The following CACNA1D variants were observed in gnomAD, a reference collection of about 807,000 sequenced individuals.
CACNA1D encodes the protein calcium voltage-gated channel subunit alpha1 D, also known as voltage-dependent L-type calcium channel subunit alpha-1D.
Under a neutral mutation model 257.1 loss-of-function variants are expected in CACNA1D, and 55 were observed. The ratio of observed to expected loss-of-function variants is 0.21; its 90% CI spans 0.17 to 0.27. The LOEUF (loss-of-function observed/expected upper bound fraction) is 0.27, where lower values mean the gene tolerates loss of function less well. Among genes scored for constraint, CACNA1D ranks in the 10% least tolerant of loss-of-function variants. CACNA1D has a pLI of 1.00. For missense variants in CACNA1D, 1,876 were observed against 2,784.0 expected (o/e 0.67, Z 7.34); for synonymous variants, 980 against 1,014.9 (o/e 0.97, Z 0.65).
At chr3:53,529,001 A>G (rs779154555) in intron 3 of CACNA1D, among the ~76,000 whole-genome samples, 21 of 152,178 alleles carry the variant, frequency 1.4e-4, no homozygotes, top group Non-Finnish European at 2.8e-4. Context: ...ATATGTATGT[A>G]TGTATTTTTC....
intron 3 of CACNA1D, among the ~76,000 whole-genome samples, chr3:53,531,025 T>A (rs2091933033): frequency 6.7e-6 from 1 of 150,348 alleles, no homozygotes; most frequent in Non-Finnish European, 1.5e-5. Context: ...TTAATTTTTT[T>A]TTTTTTTTTT....
At position 53,619,577 on chromosome 3, in the gene CACNA1D, G is replaced by A. The variant is rs531020261; in HGVS notation, c.484-31202G>A. ...ATTACCATCCTTACTTTAGAGGACT[G>A]GGACTCAAGCCCTCATCTTGTGGCT... On this transcript the variant is annotated intron_variant, in intron 3 of 47. Coordinates refer to ENST00000350061, the MANE Select transcript of CACNA1D (RefSeq NM_001128840.3). 2.6e-5 allele frequency among the ~76,000 whole-genome samples: 4 copies of A among 152,278 alleles called. No individual in the cohort carries two copies. The South Asian group carries it at 8.3e-4, about 32-fold the overall frequency.
intron 45 of CACNA1D, among the ~76,000 whole-genome samples, chr3:53,806,498 C>T (rs1467844388): frequency 6.6e-6 from 1 of 152,182 alleles, no homozygotes; most frequent in South Asian, 2.1e-4. Flanking sequence ...GCAGCCCTGG[C>T]CCCTTCCAGC....
intron 2 of CACNA1D, among the ~76,000 whole-genome samples, chr3:53,499,259 C>T (rs957663863): frequency 6.6e-6 from 1 of 152,060 alleles, no homozygotes; most frequent in Non-Finnish European, 1.5e-5. Flanking sequence ...CAGGGAGAAG[C>T]CTGTTTACAA....
chr3:53,633,210 G>A (rs2093842142), intron 3 of CACNA1D, among the ~76,000 whole-genome samples: 1 of 152,220 alleles, frequency 6.6e-6, no homozygotes, highest in African/African-American at 2.4e-5. Flanking sequence ...ACCAAGGCAA[G>A]GGCTGGGTGT....
At chr3:53,681,465 A>G (rs1233028751) in intron 8 of CACNA1D, among the ~76,000 whole-genome samples, 1 of 152,190 alleles carries the variant, frequency 6.6e-6, no homozygotes, top group Non-Finnish European at 1.5e-5. Context: ...AGAATGACTT[A>G]TTCATTTAAT....
intron 3 of CACNA1D, among the ~76,000 whole-genome samples, chr3:53,586,913 G>A (rs1225031767): frequency 6.6e-6 from 1 of 152,146 alleles, no homozygotes; most frequent in African/African-American, 2.4e-5. Flanking sequence ...GGTAATGTGG[G>A]AGAAACCTAA....
intron 4 of CACNA1D, among the ~76,000 whole-genome samples, chr3:53,653,632 G>C (rs1025696639): frequency 5.3e-5 from 8 of 152,176 alleles, no homozygotes; most frequent in South Asian, 2.1e-4. Context: ...CAGGGAATTT[G>C]AACATATGGC....
intron 15 of CACNA1D, among the ~76,000 whole-genome samples, chr3:53,727,232 C>T (rs940709898): frequency 2.6e-5 from 4 of 152,168 alleles, no homozygotes; most frequent in African/African-American, 9.7e-5. Context: ...GAAGCAAGCC[C>T]AGGGAAGGAG....
intron 30 of CACNA1D, chr3:53,762,679 A>C (rs17252742): frequency 0.026 from 12,071 of 455,934 alleles, 232 homozygotes; most frequent in Non-Finnish European, 0.037. Context: ...GTTTTCATTA[A>C]GTCTGACATA....
chr3:53,499,935 G>T (rs1246102628), intron 2 of CACNA1D, among the ~76,000 whole-genome samples: 1 of 151,994 alleles, frequency 6.6e-6, no homozygotes, highest in Non-Finnish European at 1.5e-5. Context: ...GGGTGAAAAA[G>T]ATTTTATAAT....
intron 3 of CACNA1D, among the ~76,000 whole-genome samples, chr3:53,535,824 T>A (rs1008523228): frequency 6.6e-6 from 1 of 152,178 alleles, no homozygotes; most frequent in Non-Finnish European, 1.5e-5. Context: ...TTGGTCAAAT[T>A]TTTTAGGCTA....
chr3:53,592,465 C>T (rs888803723), intron 3 of CACNA1D, among the ~76,000 whole-genome samples: 7 of 152,066 alleles, frequency 4.6e-5, no homozygotes, highest in Admixed American at 1.3e-4. Flanking sequence ...GATGTTACTC[C>T]GAATTAGATG....
chr3:53,727,652 C>T (rs1041941665), intron 15 of CACNA1D, among the ~76,000 whole-genome samples: 5 of 152,134 alleles, frequency 3.3e-5, no homozygotes, highest in South Asian at 2.1e-4. Context: ...CTTTGGTTCT[C>T]GGTGTTTTAT....
Position 53,774,718 on chromosome 3 carries a change from G to C in CACNA1D, c.4202+40G>C. Reference sequence around the variant, plus strand: ...CTTGGGCGGTGCTCCTGGGCAGGGGGGTCCGCTAGGCGTGGGTCCAGAGGG... The same window carrying C: ...CTTGGGCGGTGCTCCTGGGCAGGGGCGTCCGCTAGGCGTGGGTCCAGAGGG... On this transcript the variant is annotated intron_variant, in intron 34 of 47. Coordinates refer to ENST00000350061, the MANE Select transcript of CACNA1D (RefSeq NM_001128840.3). This position sits in a 1 kb window ranked among gnomAD's most constrained non-coding sequence, Gnocchi z 4.3. 1 of 1,193,544 alleles carries C rather than the reference G, an allele frequency of 8.4e-7. No homozygotes were observed. The highest frequency in any genetic ancestry group is 1.3e-6 in the Non-Finnish European group (1 of 796,252). 73.9% of individuals were successfully genotyped at this position (1,193,544 alleles called of 1,614,324 possible).
chr3:53,754,457 A>G (rs1211831717), intron 29 of CACNA1D, among the ~76,000 whole-genome samples: 2 of 152,220 alleles, frequency 1.3e-5, no homozygotes, highest in Admixed American at 6.5e-5. Context: ...TTCCTCACCC[A>G]TAAAATGAGG....
intron 2 of CACNA1D, among the ~76,000 whole-genome samples, chr3:53,501,087 T>C (rs1297621383): frequency 1.3e-5 from 2 of 152,058 alleles, no homozygotes; most frequent in African/African-American, 4.8e-5. Flanking sequence ...AAGTTATAGG[T>C]AGAATGAGAA....
intron 9 of CACNA1D, among the ~76,000 whole-genome samples, chr3:53,717,511 C>A (rs1006431989): frequency 1.3e-5 from 2 of 152,176 alleles, no homozygotes; most frequent in South Asian, 2.1e-4. Context: ...CACTAGTGGG[C>A]GTGTTTCCAC....
intron 3 of CACNA1D, among the ~76,000 whole-genome samples, chr3:53,616,388 A>G (rs143196305): frequency 6.6e-6 from 1 of 152,316 alleles, no homozygotes; most frequent in East Asian, 1.9e-4. Context: ...AAAAGGAATG[A>G]GGAAGAGGTT....
Sources: allele counts gnomAD v4.1 joint callset (sites outside exome capture counted in the v4.1 genomes callset), GRCh38; gene constraint gnomAD v4.1.1; non-coding constraint Gnocchi (gnomAD v3.1); transcripts MANE v1.5; gene names NCBI Gene and HGNC (gene_info 2026-07-23, HGNC 2026-07-21).